Variants in BCAS4 observed in about 807,000 individuals in gnomAD.
BCAS4 encodes breast carcinoma amplified sequence 4.
In BCAS4, 9 loss-of-function variants were observed where a neutral mutation model predicts 15.7. The ratio of observed to expected loss-of-function variants is 0.57; its 90% CI spans 0.34 to 1.00. The LOEUF (loss-of-function observed/expected upper bound fraction) is 1.00, where lower values mean the gene tolerates loss of function less well. BCAS4 is among the 50% of genes least tolerant of loss of function. BCAS4 has a pLI of 0.02. For missense variants in BCAS4, 225 were observed against 239.1 expected (o/e 0.94, Z 0.39); for synonymous variants, 101 against 99.5 (o/e 1.02, Z -0.09).
chr20:50,867,627 G>T (rs1486609587), intron 4 of BCAS4, among the ~76,000 whole-genome samples: 2 of 152,142 alleles, frequency 1.3e-5, no homozygotes, highest in Non-Finnish European at 2.9e-5. Context: ...CAAGGTGCTG[G>T]GATTGGCCAG....
chr20:50,835,245 A>ATTT (rs1278646307), intron 3 of BCAS4, among the ~76,000 whole-genome samples: 1,913 of 134,568 alleles, frequency 0.014, 57 homozygotes, highest in African/African-American at 0.035. Flanking sequence ...AACTACTATA[A>ATTT]TTTTTTTTTT....
chr20:50,822,696 C>T (rs776868563), intron 2 of BCAS4, among the ~76,000 whole-genome samples: 25 of 149,726 alleles, frequency 1.7e-4, no homozygotes, highest in Middle Eastern at 3.4e-3. Flanking sequence ...AGTGCAGTGG[C>T]GCTATCTCAG....
In BCAS4 at chr20:50,810,380, G is replaced by T. The variant is rs565898519; in HGVS notation, c.91-7831G>T. Among the ~76,000 whole-genome samples the T allele has an allele frequency of 1.4e-3, 212 of 152,032 alleles. 1 individual carries two copies. Among genetic ancestry groups the T allele is most frequent in the African/African-American group, 5.0e-3 (208 of 41,492 alleles). On this transcript the variant is annotated intron_variant, in intron 1 of 4. Coordinates refer to ENST00000371608, the MANE Select transcript of BCAS4 (RefSeq NM_198799.4). The stretch of plus-strand genomic sequence containing the variant: ...ACCTCTTCACCGGAGTTGCTGCAAG[G>T]TCCTTTTGCAAAAGCATTTGTGGGA...
chr20:50,808,056 C>T (rs1421424602), intron 1 of BCAS4, among the ~76,000 whole-genome samples: 3 of 151,832 alleles, frequency 2.0e-5, no homozygotes, highest in Admixed American at 1.3e-4. Context: ...TACAGGCGCC[C>T]GCCACCATGC....
chr20:50,794,942 C>T (rs1287105992), upstream of BCAS4: 10 of 1,165,764 alleles, frequency 8.6e-6, no homozygotes, highest in Non-Finnish European at 1.1e-5. Flanking sequence ...AGCTGCGAGC[C>T]GCGACCGCCG....
chr20:50,800,508 G>T (rs963759927), intron 1 of BCAS4, among the ~76,000 whole-genome samples: 3 of 150,174 alleles, frequency 2.0e-5, no homozygotes, highest in Admixed American at 6.7e-5. Context: ...AGGGCCTCGG[G>T]TTTTCTGTTC....
chr20:50,822,136 G>A (rs979966563), intron 2 of BCAS4, among the ~76,000 whole-genome samples: 1 of 152,134 alleles, frequency 6.6e-6, no homozygotes, highest in African/African-American at 2.4e-5. Flanking sequence ...GGCTGGTTGG[G>A]GCTGGTTGGG....
intron 2 of BCAS4, among the ~76,000 whole-genome samples, chr20:50,819,048 T>C (rs1376828523): frequency 6.6e-6 from 1 of 152,056 alleles, no homozygotes; most frequent in Non-Finnish European, 1.5e-5. Context: ...CCGGGTGTGG[T>C]GGCAGGCGCC....
At chr20:50,869,500 C>A (rs748535530) in intron 4 of BCAS4, among the ~76,000 whole-genome samples, 80 of 152,276 alleles carry the variant, frequency 5.3e-4, no homozygotes, top group Admixed American at 1.3e-3. Flanking sequence ...CTGGGCAAGC[C>A]AGGACTGGCT....
Position 50,856,335 on chromosome 20 carries a change from G to A in BCAS4, c.399+14435G>A, listed in dbSNP as rs547904725. 7.9e-5 allele frequency among the ~76,000 whole-genome samples: 12 copies of A among 152,304 alleles called. No homozygotes were observed. In the East Asian group the frequency reaches 1.3e-3, roughly 17 times the overall value. Reference sequence around the variant, plus strand: ...TCTCATTAGGCAGTGAGTTCATCCCGATGCCTGTTCTGGCTGATAACATCA... The same window carrying A: ...TCTCATTAGGCAGTGAGTTCATCCCAATGCCTGTTCTGGCTGATAACATCA... On this transcript the variant is annotated intron_variant, in intron 4 of 4. Transcript: ENST00000371608.
intron 3 of BCAS4, among the ~76,000 whole-genome samples, chr20:50,834,405 C>T (rs892451476): frequency 2.7e-5 from 4 of 150,006 alleles, no homozygotes; most frequent in Non-Finnish European, 2.9e-5. Flanking sequence ...GAGCGATTCT[C>T]CTGCCTCAGC....
chr20:50,835,154 A>G (rs2088391780), intron 3 of BCAS4, among the ~76,000 whole-genome samples: 2 of 152,108 alleles, frequency 1.3e-5, no homozygotes, highest in African/African-American at 4.8e-5. Context: ...CAAAGTGACT[A>G]CACCATTTTG....
chr20:50,864,355 A>T (rs987610481), intron 4 of BCAS4, among the ~76,000 whole-genome samples: 1 of 151,910 alleles, frequency 6.6e-6, no homozygotes, highest in Admixed American at 6.6e-5. Flanking sequence ...ATCACCATTC[A>T]TATCCCTGCA....
intron 2 of BCAS4, among the ~76,000 whole-genome samples, chr20:50,824,212 C>A (rs1355490091): frequency 6.6e-6 from 1 of 152,246 alleles, no homozygotes; most frequent in Non-Finnish European, 1.5e-5. Flanking sequence ...TTCGGCCCAC[C>A]TTCTGCCAAG....
intron 1 of BCAS4, among the ~76,000 whole-genome samples, chr20:50,810,592 T>G (rs1446160842): frequency 6.7e-6 from 1 of 149,766 alleles, no homozygotes; most frequent in Non-Finnish European, 1.5e-5. Flanking sequence ...TTTTTGTGTT[T>G]TTTTTTTTTT....
intron 2 of BCAS4, 81 bp downstream of exon 2, chr20:50,818,363 T>G (rs1265280014): frequency 1.3e-5 from 18 of 1,428,466 alleles, no homozygotes; most frequent in Non-Finnish European, 1.7e-5. Context: ...GGAAGCCATT[T>G]TGGTGGTGAG....
chr20:50,829,516 T>A (rs988459661), intron 2 of BCAS4, among the ~76,000 whole-genome samples: 2 of 151,972 alleles, frequency 1.3e-5, no homozygotes, highest in African/African-American at 2.4e-5. Flanking sequence ...GTATTGGGAT[T>A]ACAGGCGTGA....
chr20:50,823,717 C>G lies in BCAS4; in HGVS notation c.162+5435C>G, dbSNP rs74998344. ...GCTTGACACAAGAATACATTCTGTG[C>G]GATTCCACTAGTCTGAAGTTCAGGA... On this transcript the variant is annotated intron_variant, in intron 2 of 4. Transcript: ENST00000371608. Among the ~76,000 whole-genome samples, 345 of 152,146 alleles carry G rather than the reference C, an allele frequency of 2.3e-3. 2 individuals are homozygous for G. Among genetic ancestry groups the G allele is most frequent in the African/African-American group, 8.1e-3 (335 of 41,500 alleles).
chr20:50,853,614 C>T (rs1362152054), intron 4 of BCAS4, among the ~76,000 whole-genome samples: 2 of 149,252 alleles, frequency 1.3e-5, no homozygotes, highest in Non-Finnish European at 3.0e-5. Flanking sequence ...GACCAGGCCT[C>T]ACAACCTCAG....
Sources: gnomAD v4.1 joint callset for allele counts (sites outside exome capture counted in the v4.1 genomes callset) on GRCh38, gnomAD v4.1.1 for gene constraint, MANE v1.5 for transcripts, NCBI Gene and HGNC (gene_info 2026-07-23, HGNC 2026-07-21) for gene names.